DYM: variants seen among roughly 807,000 people sequenced by gnomAD.
DYM encodes dyggve-Melchior-Clausen syndrome protein.
A neutral mutation model predicts 93.1 loss-of-function variants in DYM; 78 were observed. That is an observed-to-expected ratio of 0.84 (90% CI 0.70 to 1.01). The LOEUF (loss-of-function observed/expected upper bound fraction) is 1.01. Among genes scored for constraint, DYM ranks in the 50% least tolerant of loss-of-function variants. The pLI, the probability that DYM is intolerant of heterozygous loss-of-function variation, is 0.00. For missense variants in DYM, 789 were observed against 845.0 expected, an observed-to-expected ratio of 0.93 and a Z score of 0.82; for synonymous variants, 321 against 319.7, an observed-to-expected ratio of 1.00 and a Z score of -0.04.
Position 49,185,518 on chromosome 18 carries a change from C to G in DYM, c.1626-21731G>C, listed in dbSNP as rs114641876. Among the ~76,000 whole-genome samples, 458 of 152,254 alleles carry G rather than the reference C, an allele frequency of 3.0e-3. 3 individuals carry two copies. Among genetic ancestry groups the G allele is most frequent in the African/African-American group, 0.01 (424 of 41,548 alleles). On this transcript the variant is annotated intron_variant, in intron 14 of 17. Coordinates refer to ENST00000675505, the MANE Select transcript of DYM (RefSeq NM_001353214.3). ...AAACAGTTTTTCGAATTTATTTCAT[C>G]AATTACTGAAATATTGCTAGAAATA...
chr18:49,323,411 C>T (rs549640906), intron 8 of DYM, among the ~76,000 whole-genome samples: 45 of 152,236 alleles, frequency 3.0e-4, no homozygotes, highest in African/African-American at 1.1e-3. Flanking sequence ...TACTTAATAC[C>T]TGGTATGGAC....
chr18:49,203,227 G>T (rs1409470839), intron 14 of DYM, among the ~76,000 whole-genome samples: 2 of 45,414 alleles, frequency 4.4e-5, no homozygotes, highest in African/African-American at 1.2e-4. Context: ...GGAGGGAGGT[G>T]GGGGGGGTCA....
chr18:49,240,507 T>C (rs1324095731), intron 13 of DYM, among the ~76,000 whole-genome samples: 2 of 152,230 alleles, frequency 1.3e-5, no homozygotes, highest in Non-Finnish European at 2.9e-5. Flanking sequence ...TGTTGACACA[T>C]TTCATCAAAT....
At chr18:49,106,584 C>A (rs1489949486) in intron 16 of DYM, among the ~76,000 whole-genome samples, 3 of 152,136 alleles carry the variant, frequency 2.0e-5, no homozygotes, top group African/African-American at 4.8e-5. Context: ...TTCAGGAGCT[C>A]TTTTAGGGCA....
chr18:49,377,924 C>T (rs952116804), intron 5 of DYM, among the ~76,000 whole-genome samples: 12 of 152,190 alleles, frequency 7.9e-5, no homozygotes, highest in Non-Finnish European at 1.2e-4. Context: ...ACACAGGTGA[C>T]GCTGTCAGCC....
chr18:49,429,600 A>G (rs1048194631), intron 2 of DYM, among the ~76,000 whole-genome samples: 7 of 152,236 alleles, frequency 4.6e-5, no homozygotes, highest in Non-Finnish European at 1.0e-4. Context: ...CCTCTCATGC[A>G]TTGCTGGTAG....
intron 16 of DYM, among the ~76,000 whole-genome samples, chr18:49,099,885 G>C (rs2079960229): frequency 6.6e-6 from 1 of 152,172 alleles, no homozygotes; most frequent in African/African-American, 2.4e-5. Context: ...CAGGAGGAGG[G>C]GGATGCCAGC....
chr18:49,119,993 G>A (rs1218899162), intron 15 of DYM, among the ~76,000 whole-genome samples: 14 of 150,590 alleles, frequency 9.3e-5, no homozygotes, highest in African/African-American at 2.7e-4. Context: ...GGGGGAGGAT[G>A]GCTTAAGCCT....
intron 17 of DYM, among the ~76,000 whole-genome samples, chr18:49,096,208 A>T (rs1163139073): frequency 6.6e-6 from 1 of 152,196 alleles, no homozygotes; most frequent in African/African-American, 2.4e-5. Context: ...CTATTACCAC[A>T]TGGTGGTGCC....
chr18:49,210,487 T>C (rs1412382125), intron 13 of DYM, among the ~76,000 whole-genome samples: 2 of 152,096 alleles, frequency 1.3e-5, no homozygotes, highest in Non-Finnish European at 2.9e-5. Flanking sequence ...TTATATGACA[T>C]TCTGGAAAAG....
intron 8 of DYM, among the ~76,000 whole-genome samples, chr18:49,322,092 T>C (rs1382426584): frequency 6.6e-6 from 1 of 152,152 alleles, no homozygotes; most frequent in Admixed American, 6.5e-5. Context: ...ATTAGGAATA[T>C]GAGTTTTAAT....
chr18:49,265,453 T>A (rs1434236283), intron 11 of DYM, among the ~76,000 whole-genome samples: 1 of 152,096 alleles, frequency 6.6e-6, no homozygotes, highest in Non-Finnish European at 1.5e-5. Flanking sequence ...GTTTCAAATA[T>A]GAGAAGGTGA....
At chr18:49,054,948 C>A (rs1317763038) in intron 17 of DYM, among the ~76,000 whole-genome samples, 2 of 152,254 alleles carry the variant, frequency 1.3e-5, no homozygotes, top group Non-Finnish European at 2.9e-5. Flanking sequence ...GAACTGGAAG[C>A]CCCCTTGAGT....
At chr18:49,281,565 A>T (rs947722859) in intron 10 of DYM, among the ~76,000 whole-genome samples, 1 of 152,230 alleles carries the variant, frequency 6.6e-6, no homozygotes, top group African/African-American at 2.4e-5. Flanking sequence ...AATGTCCAAC[A>T]ATGATAGACT....
chr18:49,080,584 C>CGG (rs1555743423), intron 17 of DYM, among the ~76,000 whole-genome samples: 1 of 105,774 alleles, frequency 9.5e-6, no homozygotes, highest in Non-Finnish European at 1.9e-5. Flanking sequence ...GCTGGCCGGG[C>CGG]GGGGGCTGAC....
chr18:49,444,065 GA>G (rs1438320720), intron 1 of DYM, among the ~76,000 whole-genome samples: 1 of 152,174 alleles, frequency 6.6e-6, no homozygotes, highest in Non-Finnish European at 1.5e-5. Context: ...GTATGAAGCA[GA>G]AAAAGGCTTA....
chr18:49,384,910 C>T (rs1727143838), intron 3 of DYM, among the ~76,000 whole-genome samples: 1 of 147,950 alleles, frequency 6.8e-6, no homozygotes, highest in Non-Finnish European at 1.5e-5. Context: ...AAATCAGAGC[C>T]ATAATGAAAA....
intron 14 of DYM, 66 bp from the exon 15 acceptor site, chr18:49,163,853 A>G (rs2087514003): frequency 1.0e-6 from 1 of 1,003,044 alleles, no homozygotes; most frequent in Non-Finnish European, 1.5e-6. Flanking sequence ...TTCTGTGGAA[A>G]TATATAGTTC....
chr18:49,260,899 A>G (rs2094479247), intron 11 of DYM, among the ~76,000 whole-genome samples: 1 of 152,102 alleles, frequency 6.6e-6, no homozygotes, highest in Non-Finnish European at 1.5e-5. Flanking sequence ...GTAAGTATTT[A>G]GCTGCCCCTC....
Sources: allele counts gnomAD v4.1 joint callset (sites outside exome capture counted in the v4.1 genomes callset), GRCh38; gene constraint gnomAD v4.1.1; transcripts MANE v1.5; gene names NCBI Gene and HGNC (gene_info 2026-07-23, HGNC 2026-07-21).